CACYBP: variants seen among roughly 807,000 people sequenced by gnomAD.
CACYBP encodes the protein calcyclin-binding protein.
Under a neutral mutation model 29.6 loss-of-function variants are expected in CACYBP, and 11 were observed. The observed-to-expected ratio is 0.37, with a 90% CI of 0.23 to 0.61. The LOEUF (loss-of-function observed/expected upper bound fraction) is 0.61. CACYBP is among the 20% of genes least tolerant of loss of function. The pLI is 0.65. For synonymous variants in CACYBP, 73 were observed against 88.3 expected, an observed-to-expected ratio of 0.83 and a Z score of 0.97; for missense variants, 163 against 260.7, an observed-to-expected ratio of 0.63 and a Z score of 2.58.
At chr1:175,008,875 T>C (rs1411060411) in intron 5 of CACYBP, 169 bp downstream of exon 5, 4 of 583,454 alleles carry the variant, frequency 6.9e-6, no homozygotes, top group Non-Finnish European at 1.2e-5. Context: ...AAGGGTTGGC[T>C]CTTTAGTGTG....
At chr1:175,009,892 C>G in intron 5 of CACYBP, 31 bp from the exon 6 acceptor site, 1 of 1,574,666 alleles carries the variant, frequency 6.4e-7, no homozygotes, top group Non-Finnish European at 8.6e-7. Flanking sequence ...GCTTTCGTTT[C>G]CCCATTGTTG....
intron 5 of CACYBP, among the ~76,000 whole-genome samples, chr1:175,009,417 G>A (rs963716301): frequency 3.9e-5 from 6 of 151,912 alleles, no homozygotes; most frequent in Non-Finnish European, 7.4e-5. Flanking sequence ...AGGCTGAGGC[G>A]GGCGGATCAC....
At position 175,000,073 on chromosome 1, in the gene CACYBP, C is replaced by A; in HGVS notation, c.-108C>A. The A allele has an allele frequency of 6.9e-7, 1 of 1,447,200 alleles. No homozygotes were observed. Among genetic ancestry groups the A allele is most frequent in the Non-Finnish European group, 9.5e-7 (1 of 1,053,740 alleles). The allele number at this position is 1,447,200 out of a possible 1,614,324, so 89.6% of individuals were successfully genotyped here. ...GGTGTGGGCGCAGGCTGCAGCGCCGCGACTCGTGCGGGTAGGCGTCTGCGC... is the reference window on the plus strand; with the variant it reads ...GGTGTGGGCGCAGGCTGCAGCGCCGAGACTCGTGCGGGTAGGCGTCTGCGC... On this transcript the variant is annotated 5_prime_UTR_variant, in exon 1 of 6. Transcript: ENST00000367679.
At chr1:175,008,840 G>A (rs916407551) in intron 5 of CACYBP, 134 bp downstream of exon 5, 14 of 627,688 alleles carry the variant, frequency 2.2e-5, no homozygotes, top group Non-Finnish European at 3.8e-5. Flanking sequence ...CGTCCAGCAA[G>A]TTGCTTTTTA....
In CACYBP at chr1:175,011,731, A is replaced by AAC. The variant is rs1412270835; in HGVS notation, c.*1654_*1655dup. On this transcript the variant is annotated 3_prime_UTR_variant, in exon 6 of 6. Coordinates refer to ENST00000367679, the MANE Select transcript of CACYBP (RefSeq NM_014412.3). ...CTTTCACTTGAAAAAGAAGTATAAAAACAACTGTATTGAGTTGAGGCTGTG... is the reference window on the plus strand; with the variant it reads ...CTTTCACTTGAAAAAGAAGTATAAAAACACAACTGTATTGAGTTGAGGCTGTG... The AAC allele has an allele frequency of 6.6e-6, 1 of 152,218 alleles. No homozygotes were observed. Among genetic ancestry groups the AAC allele is most frequent in the African/African-American group, 2.4e-5 (1 of 41,466 alleles). 9.4% of individuals were successfully genotyped at this position (152,218 alleles called of 1,614,324 possible).
At position 175,006,783 on chromosome 1, in the gene CACYBP, A is replaced by G; in HGVS notation, c.274A>G (p.Thr92Ala). Residue 92 changes from threonine to alanine, a missense_variant, in exon 3 of 6, where the codon ACC (threonine) becomes GCC (alanine). Thr to Ala is a moderately conservative substitution (Grantham distance 58). Coordinates refer to ENST00000367679, the MANE Select transcript of CACYBP (RefSeq NM_014412.3). ...QSDKFVKIYI[T>A]LTGVHQVPTE... ...AGATAAGTTTGTGAAAATCTACATT[A>G]CCTTAACTGGAGTTCATCAAGTTCC... The G allele has an allele frequency of 3.1e-6, 5 of 1,606,418 alleles. No individual in the cohort carries two copies. The highest frequency in any genetic ancestry group is 4.3e-6 in the Non-Finnish European group (5 of 1,173,790).
rs115721869 is a variant in CACYBP at position 175,009,231 on chromosome 1, A to G, written c.530+525A>G. 1.0e-2 allele frequency among the ~76,000 whole-genome samples: 1,519 copies of G among 152,278 alleles called. 24 individuals are homozygous for G. Among genetic ancestry groups the G allele is most frequent in the African/African-American group, 0.035 (1,449 of 41,538 alleles). ...TCTAATTAAAAAATACATGAGCTTC[A>G]GGGTACATCCATGTGTAATGTTTAT... On this transcript the variant is annotated intron_variant, in intron 5 of 5. Coordinates refer to ENST00000367679, the MANE Select transcript of CACYBP (RefSeq NM_014412.3).
intron 1 of CACYBP, chr1:175,000,414 C>G: frequency 4.3e-6 from 6 of 1,399,678 alleles, no homozygotes; most frequent in Non-Finnish European, 5.6e-6. Context: ...GCCTGCTGGG[C>G]TCGAGCGGGG....
intron 1 of CACYBP, chr1:175,000,512 T>C: frequency 7.8e-7 from 1 of 1,275,696 alleles, no homozygotes; most frequent in Non-Finnish European, 9.9e-7. Context: ...CTTTCTGCCC[T>C]GGTTTCCCAG....
Position 175,006,687 on chromosome 1 carries a change from T to C in CACYBP, c.236-58T>C, listed in dbSNP as rs75847954. 1.1e-3 allele frequency: 872 copies of C among 824,506 alleles called. 9 individuals carry two copies. The African/African-American group carries it at 0.013, about 12-fold the overall frequency. The allele number at this position is 824,506 out of a possible 1,614,324, so 51.1% of individuals were successfully genotyped here. A position where few individuals can be genotyped will look rare whatever the true frequency, so the allele number is the denominator to read the frequency against. ...TGACTTATGAGCCATGTGCATTTGCTGTTCTAAAGATAGTTTCAGAGGCTT... is the reference window on the plus strand; with the variant it reads ...TGACTTATGAGCCATGTGCATTTGCCGTTCTAAAGATAGTTTCAGAGGCTT... On this transcript the variant is annotated intron_variant, in intron 2 of 5. Coordinates refer to ENST00000367679, the MANE Select transcript of CACYBP (RefSeq NM_014412.3).
rs932118196 is a variant in CACYBP, at chr1:175,011,955, C to A, written c.*1876C>A. Among the ~76,000 whole-genome samples the A allele has an allele frequency of 4.6e-5, 7 of 152,098 alleles. No individual in the cohort carries two copies. The highest frequency in any genetic ancestry group is 9.7e-5 in the African/African-American group (4 of 41,426). On this transcript the variant is annotated 3_prime_UTR_variant, in exon 6 of 6. Transcript: ENST00000367679. Reference sequence around the variant, plus strand: ...CTGTCTCTACTGAAAATAAAAAAAACTAGCTGGGCATGGTGGCAGATGCCT... The same window carrying A: ...CTGTCTCTACTGAAAATAAAAAAAAATAGCTGGGCATGGTGGCAGATGCCT...
chr1:175,004,892 T>A (rs1257166352), intron 2 of CACYBP, 59 bp downstream of exon 2: 5 of 1,054,634 alleles, frequency 4.7e-6, no homozygotes, highest in Non-Finnish European at 7.5e-6. Flanking sequence ...CTCATAGTGG[T>A]CTAACAAATT....
intron 4 of CACYBP, among the ~76,000 whole-genome samples, 154 bp from the exon 5 acceptor site, chr1:175,008,455 C>G (rs1261552520): frequency 6.6e-6 from 1 of 152,102 alleles, no homozygotes; most frequent in Non-Finnish European, 1.5e-5. Flanking sequence ...CATGAATGTT[C>G]AGATTTTGGC....
Position 175,011,783 on chromosome 1 carries a change from T to C in CACYBP, c.*1704T>C, listed in dbSNP as rs1405842872. ...AGAAATAAGGACACATATATGGGAA[T>C]GGAATGCAAAAGTTAAACTTTGGTT... On this transcript the variant is annotated 3_prime_UTR_variant, in exon 6 of 6. Transcript: ENST00000367679. 2 of 152,202 alleles carry C rather than the reference T, an allele frequency of 1.3e-5. No homozygotes were observed. The highest frequency in any genetic ancestry group is 2.4e-5 in the African/African-American group (1 of 41,440). 9.4% of individuals were successfully genotyped at this position (152,202 alleles called of 1,614,324 possible).
chr1:175,010,042 C>T lies in CACYBP; in HGVS notation c.650C>T (p.Ser217Leu), dbSNP rs1558327079. The T allele has an allele frequency of 1.2e-6, 2 of 1,613,506 alleles. No individual in the cohort carries two copies. The highest frequency in any genetic ancestry group is 8.5e-7 in the Non-Finnish European group (1 of 1,179,692). ...KRTINKAWVE[S>L]REKQAKGDTE... Reference sequence around the variant, plus strand: ...ACCATTAATAAAGCCTGGGTGGAATCAAGAGAGAAGCAAGCCAAAGGAGAC... The same window carrying T: ...ACCATTAATAAAGCCTGGGTGGAATTAAGAGAGAAGCAAGCCAAAGGAGAC... Residue 217 changes from serine to leucine, a missense_variant, in exon 6 of 6, where the codon TCA (serine) becomes TTA (leucine). Physicochemically the swap from Ser to Leu is moderately radical, Grantham distance 145 (BLOSUM62 -2). Coordinates refer to ENST00000367679, the MANE Select transcript of CACYBP (RefSeq NM_014412.3).
intron 1 of CACYBP, among the ~76,000 whole-genome samples, chr1:175,004,328 G>A (rs1035417995): frequency 1.3e-5 from 2 of 152,202 alleles, no homozygotes; most frequent in Admixed American, 6.5e-5. Flanking sequence ...GGTCGCAGAC[G>A]TTTCTTGTAA....
Position 175,000,061 on chromosome 1 carries a change from G to A in CACYBP, c.-120G>A. The A allele has an allele frequency of 2.2e-6, 3 of 1,386,208 alleles. No homozygotes were observed. Among genetic ancestry groups the A allele is most frequent in the Non-Finnish European group, 3.0e-6 (3 of 999,712 alleles). The allele number at this position is 1,386,208 out of a possible 1,614,324, so 85.9% of individuals were successfully genotyped here. Reference sequence around the variant, plus strand: ...TTGCGCAGGGTCGGTGTGGGCGCAGGCTGCAGCGCCGCGACTCGTGCGGGT... The same window carrying A: ...TTGCGCAGGGTCGGTGTGGGCGCAGACTGCAGCGCCGCGACTCGTGCGGGT... On this transcript the variant is annotated 5_prime_UTR_variant, in exon 1 of 6. Coordinates refer to ENST00000367679, the MANE Select transcript of CACYBP (RefSeq NM_014412.3).
intron 1 of CACYBP, among the ~76,000 whole-genome samples, chr1:175,003,329 T>G (rs1036752090): frequency 5.9e-5 from 9 of 152,148 alleles, no homozygotes; most frequent in Admixed American, 3.9e-4. Context: ...GTGTTGGTCA[T>G]GTTGGTCTCG....
At chr1:175,000,842 A>G (rs1012112578) in intron 1 of CACYBP, among the ~76,000 whole-genome samples, 8 of 152,358 alleles carry the variant, frequency 5.3e-5, no homozygotes, top group African/African-American at 1.9e-4. Context: ...AAGAAAGCGA[A>G]TGGCCTGTGT....
Sources: gnomAD v4.1 joint callset for allele counts (sites outside exome capture counted in the v4.1 genomes callset) on GRCh38, gnomAD v4.1.1 for gene constraint, MANE v1.5 for transcripts, NCBI Gene and HGNC (gene_info 2026-07-23, HGNC 2026-07-21) for gene names.